MTFR2: variants seen among roughly 807,000 people sequenced by gnomAD.
The protein encoded by MTFR2 is DUF729 domain-containing protein 1.
In MTFR2, 44 loss-of-function variants were observed where a neutral mutation model predicts 41.2. The ratio of observed to expected loss-of-function variants is 1.07; its 90% CI spans 0.84 to 1.37. MTFR2 has a LOEUF of 1.37. Among genes scored for constraint, MTFR2 ranks in the 40% most tolerant of loss-of-function variants. The pLI is 0.00. For synonymous variants in MTFR2, 141 were observed against 154.6 expected (o/e 0.91, Z 0.65); for missense variants, 452 against 459.5 (o/e 0.98, Z 0.15).
At chr6:136,241,984 G>A (rs774141227) in intron 4 of MTFR2, among the ~76,000 whole-genome samples, 11 of 149,888 alleles carry the variant, frequency 7.3e-5, no homozygotes, top group Non-Finnish European at 1.5e-4. Flanking sequence ...GGAGGCTGAG[G>A]CAGGAGAATC....
At chr6:136,235,220 C>T (rs1230626160) in intron 6 of MTFR2, among the ~76,000 whole-genome samples, 1 of 128,168 alleles carries the variant, frequency 7.8e-6, no homozygotes, top group African/African-American at 5.2e-5. Flanking sequence ...ACCGGGTGAT[C>T]GTGTTGCCAT....
At chr6:136,240,910 T>G (rs574269396) in intron 5 of MTFR2, among the ~76,000 whole-genome samples, 1 of 152,030 alleles carries the variant, frequency 6.6e-6, no homozygotes, top group Non-Finnish European at 1.5e-5. Context: ...GCTAACACGG[T>G]GAAACCCCGT....
At position 136,238,473 on chromosome 6, in the gene MTFR2, G is replaced by C. The variant is rs531914663; in HGVS notation, c.869+993C>G. 5.9e-5 allele frequency among the ~76,000 whole-genome samples: 9 copies of C among 152,054 alleles called. No individual in the cohort carries two copies. The South Asian group carries it at 1.9e-3, about 32-fold the overall frequency. On this transcript the variant is annotated intron_variant, in intron 6 of 7. Transcript: ENST00000420702. ...TTAATAAGATAAAATAAAAAATAAA[G>C]TAATCAAACTATAGAAGTAGAAAGA... is the stretch of plus-strand genomic sequence containing the variant.
At chr6:136,242,202 A>G (rs935662479) in intron 4 of MTFR2, among the ~76,000 whole-genome samples, 36 of 152,158 alleles carry the variant, frequency 2.4e-4, no homozygotes, top group Admixed American at 3.9e-4. Flanking sequence ...TAAACAGAAC[A>G]TAGCCTCCAA....
In MTFR2 at chr6:136,233,405, C is replaced by T; in HGVS notation, c.964G>A (p.Ala322Thr). The T allele has an allele frequency of 6.2e-7, 1 of 1,611,638 alleles. No homozygotes were observed. The highest frequency in any genetic ancestry group is 1.1e-5 in the South Asian group (1 of 90,728). Residue 322 changes from alanine to threonine, a missense_variant, in exon 7 of 8, where the codon GCA (alanine) becomes ACA (threonine). Physicochemically the swap from Ala to Thr is moderately conservative, Grantham distance 58. Coordinates refer to ENST00000420702, the MANE Select transcript of MTFR2 (RefSeq NM_001099286.3). ...LISHALKQKF[A>T]FQEDDSFEKE... ...TCAAAAGAATCATCTTCTTGAAATG[C>T]AAATTTCTGTTTAAGTGCATGAGAT...
intron 6 of MTFR2, 71 bp from the exon 7 acceptor site, chr6:136,233,570 G>A: frequency 8.6e-7 from 1 of 1,164,322 alleles, no homozygotes; most frequent in Non-Finnish European, 1.2e-6. Flanking sequence ...TGACAAACAT[G>A]GCAGGAATAC....
chr6:136,242,765 A>T, intron 4 of MTFR2, 96 bp downstream of exon 4: 1 of 881,870 alleles, frequency 1.1e-6, no homozygotes, highest in Non-Finnish European at 1.8e-6. Context: ...GTTTGAAGAT[A>T]AACAAAACAA....
At position 136,241,681 on chromosome 6, in the gene MTFR2, G is replaced by A; in HGVS notation, c.282-5C>T. On this transcript the variant is annotated splice_polypyrimidine_tract_variant and splice_region_variant and intron_variant, in intron 4 of 7. Transcript: ENST00000420702. ...TCATTTTTCCATATACTATTTCTGT[G>A]GGTGAAAAAAAATAGGAAATGGAGG... is the stretch of plus-strand genomic sequence containing the variant. The A allele has an allele frequency of 4.4e-6, 7 of 1,592,464 alleles. No homozygotes were observed. Among genetic ancestry groups the A allele is most frequent in the Non-Finnish European group, 6.0e-6 (7 of 1,170,722 alleles).
Position 136,241,350 on chromosome 6 carries a change from G to A in MTFR2, c.514+94C>T, listed in dbSNP as rs554106172. On this transcript the variant is annotated intron_variant, in intron 5 of 7. Transcript: ENST00000420702. ...TAGATGTTCCTGTATGCTACTATAC[G>A]TACTATATTCAGTACAGTATCATGC... 3.4e-5 allele frequency: 31 copies of A among 922,978 alleles called. 1 individual carries two copies. Among genetic ancestry groups the A allele is most frequent in the Admixed American group, 1.5e-4 (6 of 39,230 alleles). 57.2% of individuals were successfully genotyped at this position (922,978 alleles called of 1,614,324 possible).
At chr6:136,233,270 TAAAC>T in intron 7 of MTFR2, 51 bp downstream of exon 7, 1 of 1,490,010 alleles carries the variant, frequency 6.7e-7, no homozygotes, top group Non-Finnish European at 9.3e-7. Context: ...AGCTGTAACA[TAAAC>T]AACACATCTG....
chr6:136,241,091 A>G (rs988144307), intron 5 of MTFR2, among the ~76,000 whole-genome samples: 22 of 132,818 alleles, frequency 1.7e-4, no homozygotes, highest in Non-Finnish European at 2.6e-4. Flanking sequence ...ACTGCGTCTC[A>G]AAAAAAAAAA....
chr6:136,249,294 A>G (rs1168126754), intron 1 of MTFR2, 141 bp from the exon 2 acceptor site: 2 of 510,056 alleles, frequency 3.9e-6, no homozygotes, highest in Non-Finnish European at 6.8e-6. Flanking sequence ...GAGAAAAAGA[A>G]AGGAAGGGGA....
intron 7 of MTFR2, 107 bp downstream of exon 7, chr6:136,233,218 T>C: frequency 1.1e-6 from 1 of 885,776 alleles, no homozygotes; most frequent in Admixed American, 2.6e-5. Context: ...AACAATTATA[T>C]AGCCCATTCT....
In MTFR2 at chr6:136,241,687, A is replaced by C. The variant is rs1260536804; in HGVS notation, c.282-11T>G. ...TTCCATATACTATTTCTGTGGGTGA[A>C]AAAAAATAGGAAATGGAGGGAAGAT... On this transcript the variant is annotated splice_polypyrimidine_tract_variant and intron_variant, in intron 4 of 7. Transcript: ENST00000420702. 3 of 1,587,790 alleles carry C rather than the reference A, an allele frequency of 1.9e-6. No homozygotes were observed. Among genetic ancestry groups the C allele is most frequent in the Middle Eastern group, 1.7e-4 (1 of 5,958 alleles).
At chr6:136,237,021 A>G (rs776104123) in intron 6 of MTFR2, among the ~76,000 whole-genome samples, 4 of 152,224 alleles carry the variant, frequency 2.6e-5, no homozygotes, top group Non-Finnish European at 4.4e-5. Context: ...TGCTGAACAC[A>G]GGGCGTGTGC....
intron 5 of MTFR2, among the ~76,000 whole-genome samples, 179 bp downstream of exon 5, chr6:136,241,265 C>T (rs1037578949): frequency 1.3e-5 from 2 of 152,082 alleles, no homozygotes; most frequent in Non-Finnish European, 2.9e-5. Context: ...TATTCAACAT[C>T]CTTTTATGTA....
intron 5 of MTFR2, among the ~76,000 whole-genome samples, chr6:136,240,422 T>C (rs1780024731): frequency 6.6e-6 from 1 of 151,746 alleles, no homozygotes; most frequent in South Asian, 2.1e-4. Flanking sequence ...ATATACACTG[T>C]ATAAATATCT....
intron 6 of MTFR2, among the ~76,000 whole-genome samples, chr6:136,237,482 A>G (rs576279211): frequency 3.9e-5 from 6 of 152,346 alleles, no homozygotes; most frequent in Non-Finnish European, 7.4e-5. Context: ...AGATTTTAAC[A>G]AGAAGCATTT....
chr6:136,238,089 C>G (rs1779955013), intron 6 of MTFR2, among the ~76,000 whole-genome samples: 2 of 152,166 alleles, frequency 1.3e-5, no homozygotes, highest in Admixed American at 1.3e-4. Context: ...CTTCTGGGTA[C>G]TTATCCAAAA....
Sources: allele counts gnomAD v4.1 joint callset (sites outside exome capture counted in the v4.1 genomes callset), GRCh38; gene constraint gnomAD v4.1.1; transcripts MANE v1.5; gene names NCBI Gene and HGNC (gene_info 2026-07-23, HGNC 2026-07-21).